The following OPCML variants were observed in gnomAD, a reference collection of about 807,000 sequenced individuals.
OPCML encodes the protein opioid binding protein/cell adhesion molecule like, also known as opioid-binding protein/cell adhesion molecule.
In OPCML, 13 loss-of-function variants were observed where a neutral mutation model predicts 37.8. That is an observed-to-expected ratio of 0.34 (90% CI 0.22 to 0.55). OPCML has a LOEUF of 0.55. Among genes scored for constraint, OPCML ranks in the 20% least tolerant of loss-of-function variants. The probability of loss-of-function intolerance (pLI) is 0.91; values close to 1 mark genes in which losing one functional copy is unlikely to be tolerated. For missense variants in OPCML, 341 were observed against 435.6 expected, an observed-to-expected ratio of 0.78 and a Z score of 1.93; for synonymous variants, 176 against 168.8, an observed-to-expected ratio of 1.04 and a Z score of -0.33.
chr11:133,309,803 C>T (rs1272679978), intron 1 of OPCML, among the ~76,000 whole-genome samples: 1 of 152,046 alleles, frequency 6.6e-6, no homozygotes, highest in Non-Finnish European at 1.5e-5. Context: ...GAGCAGAATC[C>T]ATAAGACCAG....
intron 1 of OPCML, among the ~76,000 whole-genome samples, chr11:133,509,975 C>T (rs1948119309): frequency 6.6e-6 from 1 of 152,154 alleles, no homozygotes. Context: ...CTTGGTGGTG[C>T]TCTGACTACT....
At chr11:133,230,294 T>G (rs1156979231) in intron 1 of OPCML, among the ~76,000 whole-genome samples, 2 of 152,180 alleles carry the variant, frequency 1.3e-5, no homozygotes, top group East Asian at 3.9e-4. Context: ...CTGGTGGGGC[T>G]CATGGGCAGA....
At chr11:133,139,915 G>A (rs956062252) in intron 1 of OPCML, among the ~76,000 whole-genome samples, 5 of 152,074 alleles carry the variant, frequency 3.3e-5, no homozygotes, top group African/African-American at 7.2e-5. Context: ...GGCCAGGCGC[G>A]GTGGCTCACT....
rs571041233 is a variant in OPCML, at chr11:133,140,555, G to T, written c.62-197545C>A. On this transcript the variant is annotated intron_variant, in intron 1 of 7. Transcript: ENST00000524381. ...ATAAGAAGAAGAAGAAGAAGAAGAA[G>T]AAGAAGAAGAAGAAGAAGAAGAAAG... Among the ~76,000 whole-genome samples the T allele has an allele frequency of 1.8e-3, 254 of 138,490 alleles. 3 individuals are homozygous for T. The highest frequency in any genetic ancestry group is 5.8e-3 in the African/African-American group (214 of 36,916). The allele number at this position is 138,490 out of a possible 152,430, so 90.9% of individuals were successfully genotyped here. A position where few individuals can be genotyped will look rare whatever the true frequency, so the allele number is the denominator to read the frequency against.
intron 1 of OPCML, chr11:133,301,079 T>C (rs1035700292): frequency 6.6e-5 from 10 of 152,168 alleles, no homozygotes; most frequent in African/African-American, 2.4e-4. Flanking sequence ...CTGACACAGA[T>C]GTACAGGGTG....
At chr11:133,224,927 C>A (rs1230084542) in intron 1 of OPCML, among the ~76,000 whole-genome samples, 2 of 152,132 alleles carry the variant, frequency 1.3e-5, no homozygotes, top group South Asian at 2.1e-4. Flanking sequence ...CTTCCCTGAC[C>A]CTCCATCCCA....
intron 1 of OPCML, among the ~76,000 whole-genome samples, chr11:133,385,734 C>T (rs1474592484): frequency 7.0e-6 from 1 of 143,380 alleles, no homozygotes. Context: ...TGTCTTATCC[C>T]AGATGCTCAA....
chr11:133,042,952 C>T (rs1311132322), intron 1 of OPCML, among the ~76,000 whole-genome samples: 2 of 152,096 alleles, frequency 1.3e-5, no homozygotes. Flanking sequence ...AGAAAAGGGT[C>T]TCTCACGTAC....
chr11:132,788,904 CT>C (rs1159256647), intron 2 of OPCML, among the ~76,000 whole-genome samples: 1 of 152,180 alleles, frequency 6.6e-6, no homozygotes, highest in Non-Finnish European at 1.5e-5. Flanking sequence ...CTTCCCATTG[CT>C]TTTAGGACCC....
chr11:133,310,165 A>C (rs2136590499), intron 1 of OPCML, among the ~76,000 whole-genome samples: 1 of 152,316 alleles, frequency 6.6e-6, no homozygotes, highest in East Asian at 1.9e-4. Context: ...CACAAATCTG[A>C]TTTCACAAAC....
intron 4 of OPCML, among the ~76,000 whole-genome samples, chr11:132,527,823 G>T (rs777219392): frequency 1.3e-5 from 2 of 152,246 alleles, no homozygotes; most frequent in African/African-American, 2.4e-5. Flanking sequence ...GAAGTTACTC[G>T]TGTGGACACT....
intron 3 of OPCML, among the ~76,000 whole-genome samples, chr11:132,644,005 T>G (rs921844628): frequency 2.6e-5 from 4 of 152,012 alleles, no homozygotes; most frequent in Non-Finnish European, 4.4e-5. Context: ...CATTGCGGAG[T>G]TTTTAGAAAA....
chr11:132,675,535 A>G (rs1211161450), intron 2 of OPCML, among the ~76,000 whole-genome samples: 1 of 152,132 alleles, frequency 6.6e-6, no homozygotes, highest in African/African-American at 2.4e-5. Context: ...ATAGAAAATC[A>G]TAAGGATTCC....
intron 3 of OPCML, among the ~76,000 whole-genome samples, chr11:132,640,888 T>C (rs1940814315): frequency 6.6e-6 from 1 of 152,146 alleles, no homozygotes; most frequent in Non-Finnish European, 1.5e-5. Context: ...AGGCCTGCCA[T>C]GACATGACCA....
At chr11:133,402,662 G>C (rs2097071865) in intron 1 of OPCML, among the ~76,000 whole-genome samples, 1 of 152,164 alleles carries the variant, frequency 6.6e-6, no homozygotes, top group African/African-American at 2.4e-5. Flanking sequence ...AATATGGCCA[G>C]ACCAAGACAG....
intron 2 of OPCML, among the ~76,000 whole-genome samples, chr11:132,662,569 A>G (rs1942030817): frequency 6.6e-6 from 1 of 152,214 alleles, no homozygotes; most frequent in African/African-American, 2.4e-5. Flanking sequence ...CAAATAAAGT[A>G]TGTATGTCTA....
chr11:132,733,378 C>A (rs1255698322), intron 2 of OPCML, among the ~76,000 whole-genome samples: 1 of 151,850 alleles, frequency 6.6e-6, no homozygotes, highest in East Asian at 1.9e-4. Context: ...AGAAGATTTC[C>A]GCTTGTCTGC....
chr11:133,485,119 AAC>A (rs1947499653), intron 1 of OPCML, among the ~76,000 whole-genome samples: 1 of 152,192 alleles, frequency 6.6e-6, no homozygotes, highest in Admixed American at 6.5e-5. Flanking sequence ...ATCGAAAAAC[AAC>A]ATAGTTATCT....
chr11:133,090,591 G>A (rs1361527997), intron 1 of OPCML, among the ~76,000 whole-genome samples: 1 of 152,186 alleles, frequency 6.6e-6, no homozygotes, highest in African/African-American at 2.4e-5. Flanking sequence ...GCACCTGGCT[G>A]AGTTGTGTTC....
Sources: gnomAD v4.1 joint callset for allele counts (sites outside exome capture counted in the v4.1 genomes callset) on GRCh38, gnomAD v4.1.1 for gene constraint, MANE v1.5 for transcripts, NCBI Gene and HGNC (gene_info 2026-07-23, HGNC 2026-07-21) for gene names.